RNF150: variants seen among roughly 807,000 people sequenced by gnomAD.
RNF150 encodes the protein ring finger protein 150.
RNF150 carries 24 observed loss-of-function variants against 39.3 expected under a neutral mutation model. The ratio of observed to expected loss-of-function variants is 0.61; its 90% CI spans 0.44 to 0.86. RNF150 has a LOEUF of 0.86. Among genes scored for constraint, RNF150 ranks in the 40% least tolerant of loss-of-function variants. The pLI, the probability that RNF150 is intolerant of heterozygous loss-of-function variation, is 0.00. For missense variants in RNF150, 502 were observed against 587.8 expected (o/e 0.85, Z 1.51); for synonymous variants, 255 against 227.3 (o/e 1.12, Z -1.10).
At chr4:141,052,201 C>T (rs569586106) in intron 1 of RNF150, among the ~76,000 whole-genome samples, 30 of 152,086 alleles carry the variant, frequency 2.0e-4, no homozygotes, top group South Asian at 1.0e-3. Flanking sequence ...CAATTCAAGA[C>T]GAGATTTGGG....
chr4:141,147,129 A>G (rs1727218469), intron 1 of RNF150, among the ~76,000 whole-genome samples: 1 of 152,164 alleles, frequency 6.6e-6, no homozygotes. Context: ...TAATCATTGT[A>G]TTATTCACAG....
chr4:140,869,332 G>T (rs1728839119), intron 6 of RNF150, among the ~76,000 whole-genome samples: 1 of 152,180 alleles, frequency 6.6e-6, no homozygotes, highest in Non-Finnish European at 1.5e-5. Flanking sequence ...AAGTTAAATG[G>T]AAGCAAAGAA....
In RNF150 at chr4:140,866,509, A is replaced by G. The variant is rs1728714624; in HGVS notation, c.*1752T>C. On this transcript the variant is annotated 3_prime_UTR_variant, in exon 7 of 7. Coordinates refer to ENST00000515673, the MANE Select transcript of RNF150 (RefSeq NM_020724.2). ...AGGGAGATGCAACCTTTCTGAGGGT[A>G]ATAATCATCTGCCTTGCCTTACTGT... is the stretch of plus-strand genomic sequence containing the variant. The G allele has an allele frequency of 6.6e-6, 1 of 152,194 alleles. No individual in the cohort carries two copies. Among genetic ancestry groups the G allele is most frequent in the African/African-American group, 2.4e-5 (1 of 41,438 alleles). The allele number at this position is 152,194 out of a possible 1,614,324, so 9.4% of individuals were successfully genotyped here.
At chr4:140,896,696 A>C (rs1203006629) in intron 6 of RNF150, among the ~76,000 whole-genome samples, 1 of 81,442 alleles carries the variant, frequency 1.2e-5, no homozygotes, top group Non-Finnish European at 2.6e-5. Flanking sequence ...ATAAAAAAAA[A>C]AAAACAAAAA....
At chr4:141,079,516 A>G (rs1230095064) in intron 1 of RNF150, among the ~76,000 whole-genome samples, 1 of 152,098 alleles carries the variant, frequency 6.6e-6, no homozygotes, top group Non-Finnish European at 1.5e-5. Context: ...CTGAGCTTCA[A>G]TTTCCTCATG....
At chr4:140,922,953 T>G (rs1731221069) in intron 5 of RNF150, among the ~76,000 whole-genome samples, 1 of 150,812 alleles carries the variant, frequency 6.6e-6, no homozygotes, top group East Asian at 1.9e-4. Flanking sequence ...TCCTTACACC[T>G]TATACAAAAA....
chr4:141,050,890 G>T (rs1736752352), intron 1 of RNF150, among the ~76,000 whole-genome samples: 1 of 152,200 alleles, frequency 6.6e-6, no homozygotes, highest in African/African-American at 2.4e-5. Context: ...CCCCAGTAGG[G>T]ACTCTGTGTG....
intron 1 of RNF150, among the ~76,000 whole-genome samples, chr4:141,025,112 T>G (rs1735648534): frequency 6.6e-6 from 1 of 152,136 alleles, no homozygotes; most frequent in Admixed American, 6.5e-5. Context: ...AAATAAATAG[T>G]AGGATTAGAA....
At chr4:141,092,871 A>C (rs1053185238) in intron 1 of RNF150, among the ~76,000 whole-genome samples, 4 of 151,822 alleles carry the variant, frequency 2.6e-5, no homozygotes, top group Non-Finnish European at 4.4e-5. Context: ...AACACCTGAA[A>C]ATGCTGGAGA....
intron 1 of RNF150, among the ~76,000 whole-genome samples, chr4:140,971,473 C>T (rs1733463146): frequency 6.6e-6 from 1 of 152,148 alleles, no homozygotes; most frequent in Non-Finnish European, 1.5e-5. Context: ...CACAGAGTGC[C>T]TCTTTTTGCA....
intron 5 of RNF150, among the ~76,000 whole-genome samples, chr4:140,923,906 G>A (rs188485923): frequency 2.0e-5 from 3 of 151,992 alleles, no homozygotes; most frequent in Admixed American, 2.0e-4. Flanking sequence ...TCACTCATAG[G>A]TGGGAATTGA....
intron 1 of RNF150, among the ~76,000 whole-genome samples, chr4:141,076,551 G>A (rs1011955706): frequency 4.0e-5 from 6 of 151,444 alleles, no homozygotes; most frequent in Non-Finnish European, 8.8e-5. Context: ...GCTTTTTACT[G>A]TTCTTCATCT....
intron 1 of RNF150, among the ~76,000 whole-genome samples, chr4:141,195,168 A>C (rs755713100): frequency 3.3e-5 from 5 of 152,008 alleles, no homozygotes; most frequent in Non-Finnish European, 7.4e-5. Flanking sequence ...TAAAAAGAGA[A>C]GTTCCTCACA....
At chr4:141,146,660 A>ACT (rs1349929953) in intron 1 of RNF150, among the ~76,000 whole-genome samples, 1 of 152,046 alleles carries the variant, frequency 6.6e-6, no homozygotes, top group Non-Finnish European at 1.5e-5. Flanking sequence ...AGGTTACTGT[A>ACT]CTCTCATCCC....
chr4:140,976,626 A>C (rs980576876), intron 1 of RNF150, among the ~76,000 whole-genome samples: 1 of 151,852 alleles, frequency 6.6e-6, no homozygotes, highest in African/African-American at 2.4e-5. Flanking sequence ...CTCTTTGCTC[A>C]GTCATGCCCA....
chr4:141,096,619 T>C (rs1245204680), intron 1 of RNF150, among the ~76,000 whole-genome samples: 1 of 152,200 alleles, frequency 6.6e-6, no homozygotes, highest in Non-Finnish European at 1.5e-5. Flanking sequence ...TGCTAAGATG[T>C]AAGTCATGCA....
chr4:141,175,548 T>G (rs1413297588), intron 1 of RNF150, among the ~76,000 whole-genome samples: 1 of 152,226 alleles, frequency 6.6e-6, no homozygotes, highest in Non-Finnish European at 1.5e-5. Context: ...ATCCATCTGC[T>G]TTAATCACTG....
intron 1 of RNF150, among the ~76,000 whole-genome samples, chr4:140,974,203 C>G (rs752965882): frequency 1.3e-5 from 2 of 152,164 alleles, no homozygotes; most frequent in African/African-American, 2.4e-5. Flanking sequence ...CTTCCCTAAG[C>G]CTTGTATATT....
At chr4:141,078,889 A>C (rs908282634) in intron 1 of RNF150, among the ~76,000 whole-genome samples, 12 of 147,950 alleles carry the variant, frequency 8.1e-5, no homozygotes, top group Non-Finnish European at 1.2e-4. Flanking sequence ...ATATACACAT[A>C]CATATATATA....
Sources: allele counts gnomAD v4.1 joint callset (sites outside exome capture counted in the v4.1 genomes callset), GRCh38; gene constraint gnomAD v4.1.1; transcripts MANE v1.5; gene names NCBI Gene and HGNC (gene_info 2026-07-23, HGNC 2026-07-21).